The following PHKB variants were observed in gnomAD, a reference collection of about 807,000 sequenced individuals.
PHKB encodes the protein phosphorylase b kinase regulatory subunit beta.
Under a neutral mutation model 152.1 loss-of-function variants are expected in PHKB, and 122 were observed. The observed-to-expected ratio is 0.80, with a 90% CI of 0.69 to 0.93. PHKB has a LOEUF of 0.93. Among genes scored for constraint, PHKB ranks in the 40% least tolerant of loss-of-function variants. The pLI, the probability that PHKB is intolerant of heterozygous loss-of-function variation, is 0.00. For synonymous variants in PHKB, 436 were observed against 464.9 expected (o/e 0.94, Z 0.80); for missense variants, 1,304 against 1,328.4 (o/e 0.98, Z 0.29).
At chr16:47,589,791 T>G (rs910663316) in intron 10 of PHKB, among the ~76,000 whole-genome samples, 4 of 152,204 alleles carry the variant, frequency 2.6e-5, no homozygotes, top group African/African-American at 9.6e-5. Context: ...GGTTTTTTGT[T>G]TCTTTCCTTT....
At chr16:47,692,710 G>C (rs546555074) in intron 27 of PHKB, among the ~76,000 whole-genome samples, 1 of 152,056 alleles carries the variant, frequency 6.6e-6, no homozygotes, top group East Asian at 1.9e-4. Flanking sequence ...ATGATGTATT[G>C]TATCTTTAAA....
intron 6 of PHKB, among the ~76,000 whole-genome samples, chr16:47,524,871 A>C (rs1348430233): frequency 6.6e-6 from 1 of 152,196 alleles, no homozygotes; most frequent in African/African-American, 2.4e-5. Flanking sequence ...GGAACACTTT[A>C]ATATTTTTCT....
chr16:47,467,973 T>C (rs892660060), intron 1 of PHKB, among the ~76,000 whole-genome samples: 16 of 152,320 alleles, frequency 1.1e-4, no homozygotes, highest in Admixed American at 8.5e-4. Flanking sequence ...AGAACTCTTA[T>C]TTTCTACTCT....
chr16:47,547,134 G>T (rs936226725), intron 6 of PHKB, among the ~76,000 whole-genome samples: 1 of 152,202 alleles, frequency 6.6e-6, no homozygotes, highest in African/African-American at 2.4e-5. Context: ...TATTCCCAAT[G>T]AGGTGAACCG....
intron 28 of PHKB, among the ~76,000 whole-genome samples, chr16:47,694,080 A>G (rs1158601904): frequency 1.3e-5 from 2 of 152,186 alleles, no homozygotes; most frequent in Non-Finnish European, 2.9e-5. Flanking sequence ...CCACTTAGGA[A>G]TTGTGTTGAA....
rs553785611 is a variant in PHKB at position 47,592,681 on chromosome 16, C to T, written c.1069-819C>T. Reference sequence around the variant, plus strand: ...TAGTTGTTTATTTACATGCTGGCCTCCCTATTAGGCTGTGAGCCTCTGAGG... The same window carrying T: ...TAGTTGTTTATTTACATGCTGGCCTTCCTATTAGGCTGTGAGCCTCTGAGG... On this transcript the variant is annotated intron_variant, in intron 10 of 30. Coordinates refer to ENST00000323584, the MANE Select transcript of PHKB (RefSeq NM_000293.3). Among the ~76,000 whole-genome samples the T allele has an allele frequency of 3.2e-4, 49 of 152,324 alleles. No homozygotes were observed. In the Middle Eastern group the frequency reaches 0.017, roughly 53 times the overall value.
intron 25 of PHKB, among the ~76,000 whole-genome samples, chr16:47,666,250 A>G (rs1233715671): frequency 6.6e-6 from 1 of 152,198 alleles, no homozygotes; most frequent in African/African-American, 2.4e-5. Flanking sequence ...CCTTAAAGCT[A>G]TAATCTTCAA....
intron 7 of PHKB, among the ~76,000 whole-genome samples, chr16:47,558,137 A>G (rs1355217760): frequency 2.0e-5 from 3 of 150,890 alleles, no homozygotes; most frequent in Non-Finnish European, 4.4e-5. Context: ...CGCAAGGACA[A>G]AAAACCAAAC....
At chr16:47,604,970 G>A (rs1387731410) in intron 13 of PHKB, among the ~76,000 whole-genome samples, 1 of 152,032 alleles carries the variant, frequency 6.6e-6, no homozygotes, top group East Asian at 1.9e-4. Flanking sequence ...GTTCTTTCAG[G>A]ATTGTCACTC....
chr16:47,466,116 G>A (rs764167073), intron 1 of PHKB, among the ~76,000 whole-genome samples: 10 of 151,990 alleles, frequency 6.6e-5, no homozygotes, highest in Non-Finnish European at 1.2e-4. Context: ...CTGTATTTCT[G>A]TGTGTGCATA....
Position 47,499,850 on chromosome 16 carries a change from C to T in PHKB, c.261C>T (p.Ser87=). Residue 87 remains serine, a synonymous_variant, in exon 3 of 31, where the codon AGC becomes AGT. Transcript: ENST00000323584. ...GGDQKAKIQD[S]LYCAAGAWAL... ...ACCAGAAGGCCAAGATCCAGGACAGCCTATACTGCGCTGCTGGGGCCTGGG... is the reference window on the plus strand; with the variant it reads ...ACCAGAAGGCCAAGATCCAGGACAGTCTATACTGCGCTGCTGGGGCCTGGG... 1 of 1,614,156 alleles carries T rather than the reference C, an allele frequency of 6.2e-7. No homozygotes were observed. Among genetic ancestry groups the T allele is most frequent in the Non-Finnish European group, 8.5e-7 (1 of 1,180,022 alleles).
Position 47,580,357 on chromosome 16 carries a change from A to G in PHKB, c.773A>G (p.Gln258Arg), listed in dbSNP as rs1208610771. ...AINGFNLFGN[Q>R]GCSWSVIFVD... ...AATGGATTCAACCTTTTTGGCAACC[A>G]GGTAAAAAATAAGACCCCCAGAATC... Residue 258 changes from glutamine (Q) to arginine (R), a missense_variant and splice_region_variant, in exon 8 of 31, where the codon CAG (glutamine) becomes CGG (arginine). Transcript: ENST00000323584. 3.1e-6 allele frequency: 5 copies of G among 1,608,050 alleles called. No individual in the cohort carries two copies. The highest frequency in any genetic ancestry group is 4.3e-6 in the Non-Finnish European group (5 of 1,174,650).
At chr16:47,616,480 A>G (rs1302566096) in intron 14 of PHKB, among the ~76,000 whole-genome samples, 1 of 146,308 alleles carries the variant, frequency 6.8e-6, no homozygotes, top group Non-Finnish European at 1.5e-5. Flanking sequence ...TAATATATCA[A>G]TTAATATATA....
intron 2 of PHKB, among the ~76,000 whole-genome samples, chr16:47,499,203 C>G (rs1478589786): frequency 6.6e-6 from 1 of 152,152 alleles, no homozygotes; most frequent in Admixed American, 6.5e-5. Context: ...AAAATGAATA[C>G]TGTAGACTCC....
chr16:47,487,306 A>G (rs1970065160), intron 1 of PHKB, among the ~76,000 whole-genome samples: 1 of 152,184 alleles, frequency 6.6e-6, no homozygotes, highest in Non-Finnish European at 1.5e-5. Context: ...TATCTAAGCT[A>G]TTTGTAAACA....
At chr16:47,479,194 G>A (rs1969921963) in intron 1 of PHKB, among the ~76,000 whole-genome samples, 1 of 152,168 alleles carries the variant, frequency 6.6e-6, no homozygotes, top group Non-Finnish European at 1.5e-5. Flanking sequence ...CTTACAAGGT[G>A]GAGAACTGAT....
chr16:47,536,670 A>C (rs1970958076), intron 6 of PHKB, among the ~76,000 whole-genome samples: 1 of 152,190 alleles, frequency 6.6e-6, no homozygotes, highest in Non-Finnish European at 1.5e-5. Flanking sequence ...CAAAGTGAGG[A>C]ACATAAGGCA....
chr16:47,603,508 T>C (rs1366157878), intron 13 of PHKB, among the ~76,000 whole-genome samples: 1 of 150,892 alleles, frequency 6.6e-6, no homozygotes, highest in Non-Finnish European at 1.5e-5. Flanking sequence ...ACTTTCTTTT[T>C]TTTTTTTTTT....
chr16:47,478,293 C>T (rs908131426), intron 1 of PHKB, among the ~76,000 whole-genome samples: 4 of 151,988 alleles, frequency 2.6e-5, no homozygotes, highest in Non-Finnish European at 5.9e-5. Flanking sequence ...AGGACAGATG[C>T]GTCAAGTAAC....
Sources: gnomAD v4.1 joint callset for allele counts (sites outside exome capture counted in the v4.1 genomes callset) on GRCh38, gnomAD v4.1.1 for gene constraint, MANE v1.5 for transcripts, NCBI Gene and HGNC (gene_info 2026-07-23, HGNC 2026-07-21) for gene names.